TNS3: variants seen among roughly 807,000 people sequenced by gnomAD.
TNS3 encodes tensin 3.
Under a neutral mutation model 140.9 loss-of-function variants are expected in TNS3, and 45 were observed. That is an observed-to-expected ratio of 0.32 (90% CI 0.25 to 0.41). TNS3 has a LOEUF of 0.41. Ranked by LOEUF, TNS3 falls within the 10% of genes least tolerant of loss-of-function variation. The pLI is 1.00. For missense variants in TNS3, 1,716 were observed against 1,906.7 expected (o/e 0.90, Z 1.86); for synonymous variants, 815 against 788.4 (o/e 1.03, Z -0.56).
chr7:47,388,410 A>G (rs1792198030), intron 16 of TNS3, among the ~76,000 whole-genome samples: 1 of 152,220 alleles, frequency 6.6e-6, no homozygotes, highest in South Asian at 2.1e-4. Flanking sequence ...TTAGAGTCCA[A>G]AGATCTGCAG....
At chr7:47,473,877 T>C (rs1797056785) in intron 4 of TNS3, among the ~76,000 whole-genome samples, 1 of 152,172 alleles carries the variant, frequency 6.6e-6, no homozygotes, top group South Asian at 2.1e-4. Flanking sequence ...ACCATTAAAG[T>C]GATTTCATTT....
chr7:47,417,765 A>C (rs530889592), intron 10 of TNS3, among the ~76,000 whole-genome samples: 382 of 152,342 alleles, frequency 2.5e-3, no homozygotes, highest in African/African-American at 8.8e-3. Flanking sequence ...CAACAACAAA[A>C]AAAAACCAAC....
intron 20 of TNS3, among the ~76,000 whole-genome samples, chr7:47,328,806 G>A (rs1788173422): frequency 6.6e-6 from 1 of 152,110 alleles, no homozygotes; most frequent in Admixed American, 6.5e-5. Context: ...TTTTCTTCCG[G>A]GCCCCAATGG....
intron 1 of TNS3, among the ~76,000 whole-genome samples, chr7:47,569,267 G>T (rs1332635701): frequency 6.6e-6 from 1 of 152,242 alleles, no homozygotes; most frequent in Non-Finnish European, 1.5e-5. Flanking sequence ...AAGGGTCCAG[G>T]CGCAGTGGCT....
intron 4 of TNS3, among the ~76,000 whole-genome samples, chr7:47,474,146 A>ACACACACACACACACACACAC (rs397700416): frequency 7.8e-6 from 1 of 128,940 alleles, no homozygotes; most frequent in African/African-American, 3.0e-5. Context: ...ACACACACAC[A>ACACACACACACACACACACAC]ACACACATAA....
rs749588899 is a variant in TNS3 at position 47,369,397 on chromosome 7, G to A, written c.1249C>T (p.Leu417=). The A allele has an allele frequency of 3.1e-6, 5 of 1,613,958 alleles. No homozygotes were observed. The highest frequency in any genetic ancestry group is 4.2e-6 in the Non-Finnish European group (5 of 1,179,986). The change falls in exon 17 of 31, where the codon CTG becomes TTG. Residue 417 remains leucine (L), a synonymous_variant. Coordinates refer to ENST00000311160, the MANE Select transcript of TNS3 (RefSeq NM_022748.12). ...AACTCTGCCTTCTCCTGGGCACTCA[G>A]GCCCCTCCTGGTTCCTGGGGCCAGG... is the stretch of plus-strand genomic sequence containing the variant. ...ERLAPGTRRG[L]SAQEKAELDQ...
intron 8 of TNS3, among the ~76,000 whole-genome samples, chr7:47,433,286 C>T (rs184022784): frequency 3.8e-4 from 58 of 152,358 alleles, no homozygotes; most frequent in African/African-American, 1.3e-3. Context: ...CTTCTGTTAA[C>T]ATCGACATCA....
At chr7:47,479,928 G>A (rs1175130937) in intron 4 of TNS3, among the ~76,000 whole-genome samples, 1 of 152,028 alleles carries the variant, frequency 6.6e-6, no homozygotes, top group Non-Finnish European at 1.5e-5. Flanking sequence ...CTCAAGTGAT[G>A]AGGTTAGAGA....
At chr7:47,461,047 T>C (rs1796469553) in intron 4 of TNS3, among the ~76,000 whole-genome samples, 1 of 152,166 alleles carries the variant, frequency 6.6e-6, no homozygotes, top group South Asian at 2.1e-4. Flanking sequence ...ATGTGTCCAG[T>C]CTCACTGACA....
At chr7:47,372,331 A>T (rs1791121689) in intron 16 of TNS3, among the ~76,000 whole-genome samples, 1 of 152,128 alleles carries the variant, frequency 6.6e-6, no homozygotes, top group Non-Finnish European at 1.5e-5. Context: ...TTCTCCCTAA[A>T]TCTGAGTTAA....
In TNS3 at chr7:47,369,173, G is replaced by C. The variant is rs530197806; in HGVS notation, c.1473C>G (p.Asp491Glu). The C allele has an allele frequency of 1.2e-6, 2 of 1,614,182 alleles. No homozygotes were observed. The highest frequency in any genetic ancestry group is 3.3e-5 in the Admixed American group (2 of 60,036). ...CCGAGGAGGACAGGGTCCCAAGGCT[G>C]TCCACACTGTGCAGGTCGTGGTGGG... is the stretch of plus-strand genomic sequence containing the variant. Reference protein sequence around the residue: ...EMPHHDLHSVDSLGTLSSSEG... With the variant: ...EMPHHDLHSVESLGTLSSSEG... The change falls in exon 17 of 31, where the codon GAC (aspartate) becomes GAG (glutamate). Residue 491 changes from aspartate (D) to glutamate (E), a missense_variant. Asp to Glu is a conservative substitution (Grantham distance 45). Around this residue, in one of 3 missense-constraint regions of TNS3, gnomAD observed 1,163 missense variants for 1,182.1 expected, o/e 0.98. Coordinates refer to ENST00000311160, the MANE Select transcript of TNS3 (RefSeq NM_022748.12).
chr7:47,434,925 T>C (rs569736085), intron 8 of TNS3, among the ~76,000 whole-genome samples: 7 of 152,334 alleles, frequency 4.6e-5, no homozygotes, highest in Non-Finnish European at 8.8e-5. Flanking sequence ...ACACAGTCCA[T>C]CTGAAAAGGG....
Position 47,368,798 on chromosome 7 carries a change from A to G in TNS3, c.1848T>C (p.Pro616=). Residue 616 remains proline (P), a synonymous_variant, in exon 17 of 31, where the codon CCT becomes CCC. Transcript: ENST00000311160. ...CCTGGACGAGGCCAGGATTGTCTGC[A>G]GGGCAGCGGCTCACCAGCCGGGCCT... ...DGEARLVSRC[P]ADNPGLVQAQ... 6.8e-6 allele frequency: 11 copies of G among 1,607,756 alleles called. No individual in the cohort carries two copies. The highest frequency in any genetic ancestry group is 9.3e-6 in the Non-Finnish European group (11 of 1,177,652).
At chr7:47,317,109 G>C (rs1435604922) in intron 20 of TNS3, among the ~76,000 whole-genome samples, 1 of 152,176 alleles carries the variant, frequency 6.6e-6, no homozygotes, top group Non-Finnish European at 1.5e-5. Flanking sequence ...TACAGCTTAA[G>C]GTCAACTGAT....
At chr7:47,481,192 T>C (rs752819878) in intron 3 of TNS3, 51 bp from the exon 4 acceptor site, 1 of 1,269,722 alleles carries the variant, frequency 7.9e-7, no homozygotes, top group Non-Finnish European at 1.0e-6. Flanking sequence ...CAGGAAAAAA[T>C]TAGCATAATA....
intron 16 of TNS3, among the ~76,000 whole-genome samples, chr7:47,383,199 T>C (rs2471000): frequency 0.5 from 75,659 of 152,106 alleles, 19,844 homozygotes; most frequent in Non-Finnish European, 0.59. Context: ...AGGCAGAGTG[T>C]GGTGTGTCCA....
intron 2 of TNS3, among the ~76,000 whole-genome samples, chr7:47,510,236 G>A (rs1034279369): frequency 3.9e-5 from 6 of 152,144 alleles, no homozygotes; most frequent in Non-Finnish European, 8.8e-5. Context: ...TTAGGGATTC[G>A]GGGCTGTGAA....
chr7:47,382,346 G>A (rs1474179164), intron 16 of TNS3, among the ~76,000 whole-genome samples: 1 of 152,144 alleles, frequency 6.6e-6, no homozygotes, highest in African/African-American at 2.4e-5. Context: ...ATGGCAACAG[G>A]CACCCACTGG....
In TNS3 at chr7:47,287,021, T is replaced by C. The variant is rs948846134; in HGVS notation, c.3929-3156A>G. Among the ~76,000 whole-genome samples, 9 of 152,084 alleles carry C rather than the reference T, an allele frequency of 5.9e-5. 1 individual carries two copies. Among genetic ancestry groups the C allele is most frequent in the Admixed American group, 5.9e-4 (9 of 15,270 alleles). On this transcript the variant is annotated intron_variant, in intron 27 of 30. Transcript: ENST00000311160. ...TTCCTCCCAATATTCAGGGGCTGCATAGGGGCAACCGATCTATGAGTAGTT... is the reference window on the plus strand; with the variant it reads ...TTCCTCCCAATATTCAGGGGCTGCACAGGGGCAACCGATCTATGAGTAGTT...
Sources: allele counts gnomAD v4.1 joint callset (sites outside exome capture counted in the v4.1 genomes callset), GRCh38; gene constraint gnomAD v4.1.1; regional missense constraint gnomAD v4.1.1; transcripts MANE v1.5; gene names NCBI Gene and HGNC (gene_info 2026-07-23, HGNC 2026-07-21).